CIAO1: variants seen among roughly 807,000 people sequenced by gnomAD.
CIAO1 encodes probable cytosolic iron-sulfur protein assembly protein CIAO1.
CIAO1 carries 32 observed loss-of-function variants against 43.1 expected under a neutral mutation model. That is an observed-to-expected ratio of 0.74 (90% CI 0.56 to 1.00). CIAO1 has a LOEUF of 1.00. CIAO1 is among the 50% of genes least tolerant of loss of function. CIAO1 has a pLI of 0.00. For synonymous variants in CIAO1, 183 were observed against 171.4 expected (o/e 1.07, Z -0.53); for missense variants, 415 against 437.4 (o/e 0.95, Z 0.46).
Position 96,271,100 on chromosome 2 carries a change from TTTCC to T in CIAO1, c.780-6_780-3del. The T allele has an allele frequency of 6.2e-7, 1 of 1,614,132 alleles. No individual in the cohort carries two copies. Among genetic ancestry groups the T allele is most frequent in the Admixed American group, 1.7e-5 (1 of 60,028 alleles). On this transcript the variant is annotated splice_region_variant and splice_polypyrimidine_tract_variant and intron_variant, in intron 6 of 6. Coordinates refer to ENST00000488633, the MANE Select transcript of CIAO1 (RefSeq NM_004804.3). ...AGTCAGGTATACCCACTGATGTCAC[TTTCC>T]TTCCAGGTGTCAGCTGACAGGGGCT...
Position 96,273,929 on chromosome 2 carries a change from C to T in CIAO1, c.*2578C>T, listed in dbSNP as rs527351166. Among the ~76,000 whole-genome samples the T allele has an allele frequency of 1.3e-5, 2 of 151,756 alleles. No homozygotes were observed. The highest frequency in any genetic ancestry group is 4.2e-4 in the South Asian group (2 of 4,798). On this transcript the variant is annotated 3_prime_UTR_variant, in exon 7 of 7. Transcript: ENST00000488633. ...TCTTCATAAAAAATGTTAACGTGGG[C>T]TGGGCATGGTGGCTCATGCCTGTAA...
intron 6 of CIAO1, 74 bp downstream of exon 6, chr2:96,269,429 C>T (rs1684503340): frequency 8.1e-6 from 11 of 1,356,564 alleles, no homozygotes; most frequent in Non-Finnish European, 1.2e-5. Context: ...CCTATGCAGT[C>T]CTCTGCAACC....
chr2:96,269,236 A>T (rs1308334249), intron 5 of CIAO1, 32 bp from the exon 6 acceptor site: 1 of 1,600,120 alleles, frequency 6.2e-7, no homozygotes, highest in South Asian at 1.1e-5. Flanking sequence ...GGACATAGGA[A>T]CGTTTAAGGG....
In CIAO1 at chr2:96,266,488, G is replaced by C. The variant is rs765093117; in HGVS notation, c.138G>C (p.Glu46Asp). The C allele has an allele frequency of 6.5e-7, 1 of 1,534,934 alleles. No homozygotes were observed. Among genetic ancestry groups the C allele is most frequent in the Non-Finnish European group, 8.8e-7 (1 of 1,133,286 alleles). Residue 46 changes from glutamate to aspartate, a missense_variant and splice_region_variant, in exon 1 of 7, where the codon GAG becomes GAC. Physicochemically the swap from Glu to Asp is conservative, Grantham distance 45. Transcript: ENST00000488633. ...GGAGAATCCGCATCTGGGGCACGGAGGGTAAGGCCCAGCCTGGTTGCGCGG... is the reference window on the plus strand; with the variant it reads ...GGAGAATCCGCATCTGGGGCACGGACGGTAAGGCCCAGCCTGGTTGCGCGG... ...GDRRIRIWGT[E>D]GDSWICKSVL...
chr2:96,269,804 T>C (rs934878877), intron 6 of CIAO1, among the ~76,000 whole-genome samples: 6 of 152,128 alleles, frequency 3.9e-5, no homozygotes, highest in African/African-American at 1.4e-4. Flanking sequence ...CCCGCCACCA[T>C]GCCTGGCTAA....
At chr2:96,267,240 A>G in intron 1 of CIAO1, 81 bp from the exon 2 acceptor site, 2 of 1,415,412 alleles carry the variant, frequency 1.4e-6, no homozygotes, top group Non-Finnish European at 1.9e-6. Context: ...CACTAGCTTG[A>G]TTCCAGTGCT....
At chr2:96,268,049 A>T in intron 4 of CIAO1, 125 bp downstream of exon 4, 1 of 801,424 alleles carries the variant, frequency 1.2e-6, no homozygotes, top group Non-Finnish European at 2.1e-6. Context: ...AAAAAACATT[A>T]GTCCCTTTAT....
At chr2:96,270,872 T>C (rs1433719394) in intron 6 of CIAO1, among the ~76,000 whole-genome samples, 1 of 151,592 alleles carries the variant, frequency 6.6e-6, no homozygotes. Flanking sequence ...GTGAGGAAAG[T>C]GCAGTTCATA....
rs1684595449 is a variant in CIAO1 at position 96,273,567 on chromosome 2, G to A, written c.*2216G>A. ...AGTCCCAGCTACTCGGGAGGCTGAG[G>A]CAGGAGAATAGCTTGAACCCGGGAG... is the stretch of plus-strand genomic sequence containing the variant. On this transcript the variant is annotated 3_prime_UTR_variant, in exon 7 of 7. Coordinates refer to ENST00000488633, the MANE Select transcript of CIAO1 (RefSeq NM_004804.3). Among the ~76,000 whole-genome samples the A allele has an allele frequency of 6.6e-6, 1 of 151,388 alleles. No individual in the cohort carries two copies.
chr2:96,269,223 C>T (rs758950152), intron 5 of CIAO1, 45 bp from the exon 6 acceptor site: 6 of 1,566,480 alleles, frequency 3.8e-6, no homozygotes, highest in African/African-American at 1.4e-5. Flanking sequence ...TTTGAGGTGC[C>T]CAGGACATAG....
chr2:96,269,594 C>T (rs903361513), intron 6 of CIAO1, among the ~76,000 whole-genome samples: 3 of 152,184 alleles, frequency 2.0e-5, no homozygotes, highest in Non-Finnish European at 4.4e-5. Context: ...GTTCGCACAG[C>T]TCGTGCTGTC....
In CIAO1 at chr2:96,269,269, G is replaced by A. The variant is rs202222774; in HGVS notation, c.693G>A (p.Gly231=). ...GGGCAAGAGAAGTCTGTCTTGCAGGGGTGGCATGCAGCGGCTCTGACCCCA... is the reference window on the plus strand; with the variant it reads ...GGGCAAGAGAAGTCTGTCTTGCAGGAGTGGCATGCAGCGGCTCTGACCCCA... ...WRQYLPGNEQ[G]VACSGSDPSW... The change falls in exon 6 of 7, where the codon GGG becomes GGA. Residue 231 remains glycine, a splice_region_variant and synonymous_variant. Coordinates refer to ENST00000488633, the MANE Select transcript of CIAO1 (RefSeq NM_004804.3). 532 of 1,614,076 alleles carry A rather than the reference G, an allele frequency of 3.3e-4. 1 individual carries two copies. Among genetic ancestry groups the A allele is most frequent in the Non-Finnish European group, 4.2e-4 (501 of 1,179,950 alleles).
Position 96,271,549 on chromosome 2 carries a change from A to G in CIAO1, c.*198A>G, listed in dbSNP as rs1045505296. The G allele has an allele frequency of 4.8e-6, 3 of 619,158 alleles. No homozygotes were observed. The highest frequency in any genetic ancestry group is 6.0e-5 in the Admixed American group (2 of 33,102). The allele number at this position is 619,158 out of a possible 1,614,324, so 38.4% of individuals were successfully genotyped here. A position where few individuals can be genotyped will look rare whatever the true frequency, so the allele number is the denominator to read the frequency against. ...GACATGAGGCCTTCAGTAAAGAGCT[A>G]CAGAACATGAGTACATTGTTATACC... On this transcript the variant is annotated 3_prime_UTR_variant, in exon 7 of 7. Coordinates refer to ENST00000488633, the MANE Select transcript of CIAO1 (RefSeq NM_004804.3).
intron 4 of CIAO1, 86 bp from the exon 5 acceptor site, chr2:96,268,371 A>G (rs774654489): frequency 9.9e-6 from 11 of 1,110,006 alleles, no homozygotes; most frequent in Admixed American, 2.0e-5. Context: ...ATAAAATAAA[A>G]TAAAAGCAGA....
At position 96,272,170 on chromosome 2, in the gene CIAO1, G is replaced by T. The variant is rs752940974; in HGVS notation, c.*819G>T. The T allele has an allele frequency of 6.6e-6, 1 of 152,176 alleles. No individual in the cohort carries two copies. Among genetic ancestry groups the T allele is most frequent in the Admixed American group, 6.5e-5 (1 of 15,288 alleles). 9.4% of individuals were successfully genotyped at this position (152,176 alleles called of 1,614,324 possible). A position where few individuals can be genotyped will look rare whatever the true frequency, so the allele number is the denominator to read the frequency against. Reference sequence around the variant, plus strand: ...GAAGAAGGCTTCCTAGGGGACTGGCGATTTAAACCAGTTGAGAAACACTGC... The same window carrying T: ...GAAGAAGGCTTCCTAGGGGACTGGCTATTTAAACCAGTTGAGAAACACTGC... On this transcript the variant is annotated 3_prime_UTR_variant, in exon 7 of 7. Transcript: ENST00000488633.
At position 96,272,593 on chromosome 2, in the gene CIAO1, C is replaced by G. The variant is rs2104322080; in HGVS notation, c.*1242C>G. 1.3e-5 allele frequency: 2 copies of G among 152,242 alleles called. No individual in the cohort carries two copies. The highest frequency in any genetic ancestry group is 6.8e-3 in the Middle Eastern group (2 of 294). The allele number at this position is 152,242 out of a possible 1,614,324, so 9.4% of individuals were successfully genotyped here. A position where few individuals can be genotyped will look rare whatever the true frequency, so the allele number is the denominator to read the frequency against. ...TGGGAGGCTGAGGCGGGCGGATCACCTGAGGTCGGGAGTTCGAGGCCAGCC... is the reference window on the plus strand; with the variant it reads ...TGGGAGGCTGAGGCGGGCGGATCACGTGAGGTCGGGAGTTCGAGGCCAGCC... On this transcript the variant is annotated 3_prime_UTR_variant, in exon 7 of 7. Coordinates refer to ENST00000488633, the MANE Select transcript of CIAO1 (RefSeq NM_004804.3).
In CIAO1 at chr2:96,272,352, T is replaced by G. The variant is rs1684569237; in HGVS notation, c.*1001T>G. The G allele has an allele frequency of 6.6e-6, 1 of 152,224 alleles. No homozygotes were observed. The highest frequency in any genetic ancestry group is 1.5e-5 in the Non-Finnish European group (1 of 68,062). 9.4% of individuals were successfully genotyped at this position (152,224 alleles called of 1,614,324 possible). On this transcript the variant is annotated 3_prime_UTR_variant, in exon 7 of 7. Transcript: ENST00000488633. ...GACAGTGGGGCTGTACCTAGAATAG[T>G]GGTTCTCGAAGAATGCGGCCTGCAG...
intron 5 of CIAO1, 101 bp from the exon 6 acceptor site, chr2:96,269,166 CA>C: frequency 1.1e-6 from 1 of 948,256 alleles, no homozygotes; most frequent in Non-Finnish European, 1.7e-6. Context: ...GACACAGACT[CA>C]TAATCAGTTG....
rs1684607003 is a variant in CIAO1, at chr2:96,274,019, G to C, written c.*2668G>C. Among the ~76,000 whole-genome samples, 1 of 151,786 alleles carries C rather than the reference G, an allele frequency of 6.6e-6. No homozygotes were observed. The highest frequency in any genetic ancestry group is 3.4e-3 in the Middle Eastern group (1 of 292). ...AGCTCAGGAATTCAAGGTCAGCCTGGGCAACATGGCTAAACTCTGTCTCTA... is the reference window on the plus strand; with the variant it reads ...AGCTCAGGAATTCAAGGTCAGCCTGCGCAACATGGCTAAACTCTGTCTCTA... On this transcript the variant is annotated 3_prime_UTR_variant, in exon 7 of 7. Coordinates refer to ENST00000488633, the MANE Select transcript of CIAO1 (RefSeq NM_004804.3).
Sources: allele counts gnomAD v4.1 joint callset (sites outside exome capture counted in the v4.1 genomes callset), GRCh38; gene constraint gnomAD v4.1.1; transcripts MANE v1.5; gene names NCBI Gene and HGNC (gene_info 2026-07-23, HGNC 2026-07-21).